GRM3: variants seen among roughly 807,000 people sequenced by gnomAD.
GRM3 encodes the protein metabotropic glutamate receptor 3.
A neutral mutation model predicts 70.5 loss-of-function variants in GRM3; 26 were observed. That is an observed-to-expected ratio of 0.37 (90% CI 0.27 to 0.51). The LOEUF is 0.51. Ranked by LOEUF, GRM3 falls within the 20% of genes least tolerant of loss-of-function variation. The pLI is 0.93. For missense variants in GRM3, 859 were observed against 1,123.8 expected, an observed-to-expected ratio of 0.76 and a Z score of 3.37; for synonymous variants, 443 against 434.9, an observed-to-expected ratio of 1.02 and a Z score of -0.23.
At chr7:86,656,688 C>T (rs1055308249) in intron 1 of GRM3, among the ~76,000 whole-genome samples, 1 of 152,056 alleles carries the variant, frequency 6.6e-6, no homozygotes, top group African/African-American at 2.4e-5. Flanking sequence ...ACTTGACTAA[C>T]ACCCAGATTT....
At chr7:86,658,397 C>T (rs940446930) in intron 1 of GRM3, among the ~76,000 whole-genome samples, 2 of 152,166 alleles carry the variant, frequency 1.3e-5, no homozygotes, top group Non-Finnish European at 2.9e-5. Context: ...CCTCTCACTC[C>T]CCAGGCCTTC....
At chr7:86,792,040 T>C (rs1194734056) in intron 3 of GRM3, among the ~76,000 whole-genome samples, 2 of 152,204 alleles carry the variant, frequency 1.3e-5, no homozygotes, top group Non-Finnish European at 2.9e-5. Context: ...GAATTTATGA[T>C]GTAAAAGAAA....
chr7:86,774,001 C>A (rs1380524012), intron 2 of GRM3, among the ~76,000 whole-genome samples: 4 of 152,030 alleles, frequency 2.6e-5, no homozygotes, highest in Non-Finnish European at 5.9e-5. Flanking sequence ...CGATAAAAAG[C>A]AAAGAATACA....
In GRM3 at chr7:86,748,036, G is replaced by A. The variant is rs1420179288; in HGVS notation, c.-140-16970G>A. Among the ~76,000 whole-genome samples the A allele has an allele frequency of 2.6e-5, 4 of 152,016 alleles. No homozygotes were observed. In the East Asian group the frequency reaches 7.7e-4, roughly 29 times the overall value. ...AACTTCTTCTTTTTTTAAAAGCTTA[G>A]TAGACTGAAGTTGTTCCCTTTCACA... is the stretch of plus-strand genomic sequence containing the variant. On this transcript the variant is annotated intron_variant, in intron 1 of 5. Transcript: ENST00000361669.
At chr7:86,698,125 C>G (rs944856886) in intron 1 of GRM3, among the ~76,000 whole-genome samples, 1 of 152,050 alleles carries the variant, frequency 6.6e-6, no homozygotes, top group African/African-American at 2.4e-5. Context: ...TTTACCCGTC[C>G]ATTTTCTATA....
intron 1 of GRM3, among the ~76,000 whole-genome samples, chr7:86,658,598 G>T (rs934241946): frequency 6.6e-6 from 1 of 152,088 alleles, no homozygotes; most frequent in Non-Finnish European, 1.5e-5. Context: ...CTATAAGGGG[G>T]CTAAAAAGAC....
At chr7:86,815,524 A>G (rs2116668682) in intron 3 of GRM3, among the ~76,000 whole-genome samples, 1 of 152,064 alleles carries the variant, frequency 6.6e-6, no homozygotes, top group South Asian at 2.1e-4. Flanking sequence ...CTACCATCAT[A>G]TGCAAATACA....
chr7:86,843,257 A>C (rs1798591501), intron 4 of GRM3, among the ~76,000 whole-genome samples: 1 of 152,200 alleles, frequency 6.6e-6, no homozygotes, highest in African/African-American at 2.4e-5. Context: ...TAGAAAGATG[A>C]GTAAACAGAG....
In GRM3 at chr7:86,851,507, G is replaced by T. The variant is rs1448878208; in HGVS notation, c.2566+963G>T. 3.3e-5 allele frequency among the ~76,000 whole-genome samples: 5 copies of T among 152,248 alleles called. No individual in the cohort carries two copies. In the South Asian group the frequency reaches 1.0e-3, roughly 32 times the overall value. The stretch of plus-strand genomic sequence containing the variant: ...GAAAAGAACTGGAACCATGAGAGGG[G>T]AAGGGAGGACAGAAAGTGACAGAGA... On this transcript the variant is annotated intron_variant, in intron 5 of 5. Transcript: ENST00000361669.
intron 1 of GRM3, among the ~76,000 whole-genome samples, chr7:86,685,951 C>A (rs1794556413): frequency 1.3e-5 from 2 of 150,714 alleles, no homozygotes; most frequent in African/African-American, 2.4e-5. Flanking sequence ...CCAAAGACCA[C>A]TGTGGGAATT....
In GRM3 at chr7:86,765,321, G is replaced by A. The variant is rs539317443; in HGVS notation, c.176G>A (p.Arg59Gln). The A allele has an allele frequency of 3.9e-5, 63 of 1,613,852 alleles. No homozygotes were observed. The highest frequency in any genetic ancestry group is 1.7e-4 in the Middle Eastern group (1 of 6,054). ...EKGTGTEECG[R>Q]INEDRGIQRL... ...GGCACTGGAACTGAAGAATGTGGGC[G>A]AATCAATGAAGACCGAGGGATTCAA... The change falls in exon 2 of 6, where the codon CGA becomes CAA. Residue 59 changes from arginine (R) to glutamine (Q), a missense_variant. Coordinates refer to ENST00000361669, the MANE Select transcript of GRM3 (RefSeq NM_000840.3).
intron 1 of GRM3, among the ~76,000 whole-genome samples, chr7:86,677,197 C>A (rs1266964824): frequency 6.6e-6 from 1 of 152,084 alleles, no homozygotes; most frequent in African/African-American, 2.4e-5. Flanking sequence ...ACTTAATTTC[C>A]ATTTATCACT....
chr7:86,649,748 T>G (rs1009423295), intron 1 of GRM3, among the ~76,000 whole-genome samples: 4 of 152,080 alleles, frequency 2.6e-5, no homozygotes, highest in Admixed American at 6.6e-5. Context: ...TTTGAGAAGA[T>G]TCCTCTAAGA....
At chr7:86,805,977 C>A (rs1443635043) in intron 3 of GRM3, among the ~76,000 whole-genome samples, 1 of 151,632 alleles carries the variant, frequency 6.6e-6, no homozygotes, top group Non-Finnish European at 1.5e-5. Context: ...CAATTCCCAC[C>A]TATGAGTGAG....
chr7:86,702,666 A>C (rs1794970112), intron 1 of GRM3, among the ~76,000 whole-genome samples: 2 of 151,976 alleles, frequency 1.3e-5, no homozygotes, highest in Admixed American at 6.6e-5. Flanking sequence ...CAAATGAAAG[A>C]CTGGGCAAGA....
At chr7:86,717,663 T>G (rs1321247323) in intron 1 of GRM3, among the ~76,000 whole-genome samples, 1 of 151,998 alleles carries the variant, frequency 6.6e-6, no homozygotes, top group Non-Finnish European at 1.5e-5. Context: ...CCAAATGCCT[T>G]GCTCTAAAGG....
intron 1 of GRM3, among the ~76,000 whole-genome samples, chr7:86,755,161 A>C (rs1013241766): frequency 6.6e-6 from 1 of 151,918 alleles, no homozygotes; most frequent in African/African-American, 2.4e-5. Context: ...AAGCATATGC[A>C]TTGGTTCCCG....
chr7:86,721,386 T>A (rs1795458928), intron 1 of GRM3, among the ~76,000 whole-genome samples: 1 of 151,998 alleles, frequency 6.6e-6, no homozygotes, highest in Non-Finnish European at 1.5e-5. Flanking sequence ...AACCTGGAAA[T>A]TTTTACCCTT....
chr7:86,693,416 A>C (rs938734778), intron 1 of GRM3, among the ~76,000 whole-genome samples: 7 of 152,194 alleles, frequency 4.6e-5, no homozygotes, highest in African/African-American at 1.7e-4. Context: ...GTGCTCAAGT[A>C]GGAAGCTTTA....
Sources: gnomAD v4.1 joint callset for allele counts (sites outside exome capture counted in the v4.1 genomes callset) on GRCh38, gnomAD v4.1.1 for gene constraint, MANE v1.5 for transcripts, NCBI Gene and HGNC (gene_info 2026-07-23, HGNC 2026-07-21) for gene names.